CSMD3: variants seen among roughly 807,000 people sequenced by gnomAD.
The protein encoded by CSMD3 is CUB and Sushi multiple domains 3, also known as CUB and sushi domain-containing protein 3.
In CSMD3, 177 loss-of-function variants were observed where a neutral mutation model predicts 435.2. That is an observed-to-expected ratio of 0.41 (90% CI 0.36 to 0.46). CSMD3 has a LOEUF of 0.46. Ranked by LOEUF, CSMD3 falls within the 20% of genes least tolerant of loss-of-function variation. The pLI is 0.34. For missense variants in CSMD3, 4,265 were observed against 4,504.6 expected, an observed-to-expected ratio of 0.95 and a Z score of 1.52; for synonymous variants, 1,656 against 1,520.5, an observed-to-expected ratio of 1.09 and a Z score of -2.07.
intron 23 of CSMD3, among the ~76,000 whole-genome samples, chr8:112,580,376 T>C (rs866614465): frequency 1.3e-5 from 2 of 151,960 alleles, no homozygotes; most frequent in Non-Finnish European, 1.5e-5. Context: ...GAGAACAAAT[T>C]AGTTAGGTTC....
intron 6 of CSMD3, among the ~76,000 whole-genome samples, chr8:112,986,199 T>C (rs2085248776): frequency 6.6e-6 from 1 of 152,186 alleles, no homozygotes; most frequent in South Asian, 2.1e-4. Flanking sequence ...TTGTTTGCTT[T>C]TAGTATAACT....
chr8:113,356,441 T>C (rs895122781), intron 1 of CSMD3, among the ~76,000 whole-genome samples: 1 of 151,994 alleles, frequency 6.6e-6, no homozygotes, highest in South Asian at 2.1e-4. Context: ...AGTATAAATA[T>C]GAACAAAAAA....
intron 41 of CSMD3, among the ~76,000 whole-genome samples, chr8:112,343,677 A>G (rs1023365554): frequency 2.0e-5 from 3 of 151,972 alleles, no homozygotes; most frequent in Non-Finnish European, 4.4e-5. Context: ...TTTATTTTTT[A>G]AAGACAGGGT....
At chr8:112,971,747 C>A (rs1402672012) in intron 7 of CSMD3, among the ~76,000 whole-genome samples, 2 of 151,998 alleles carry the variant, frequency 1.3e-5, no homozygotes, top group Non-Finnish European at 2.9e-5. Flanking sequence ...AGATCTAAAC[C>A]AACATTGTTT....
chr8:113,094,920 A>C (rs1320087133), intron 5 of CSMD3, among the ~76,000 whole-genome samples: 8 of 151,866 alleles, frequency 5.3e-5, no homozygotes, highest in Non-Finnish European at 1.5e-5. Context: ...AAATACAAAA[A>C]ATTAGCCAGA....
intron 4 of CSMD3, among the ~76,000 whole-genome samples, chr8:113,108,266 A>C (rs2090539193): frequency 6.6e-6 from 1 of 152,030 alleles, no homozygotes; most frequent in Non-Finnish European, 1.5e-5. Context: ...CATCTCTACT[A>C]AAAATATAAA....
At chr8:112,787,031 G>A (rs2078561349) in intron 13 of CSMD3, among the ~76,000 whole-genome samples, 1 of 152,024 alleles carries the variant, frequency 6.6e-6, no homozygotes, top group African/African-American at 2.4e-5. Flanking sequence ...ATGGTTTCCA[G>A]CTTCATCCAG....
chr8:112,441,217 G>C (rs547134181), intron 32 of CSMD3, among the ~76,000 whole-genome samples: 1 of 152,016 alleles, frequency 6.6e-6, no homozygotes, highest in Non-Finnish European at 1.5e-5. Context: ...CAGTCTCTTT[G>C]ATAAAGCATA....
chr8:113,218,352 T>G (rs532851551), intron 3 of CSMD3, among the ~76,000 whole-genome samples: 1 of 151,024 alleles, frequency 6.6e-6, no homozygotes, highest in Admixed American at 6.6e-5. Flanking sequence ...CATCCTGTAC[T>G]ATTGTTGTAG....
chr8:113,146,884 A>G (rs904091022), intron 4 of CSMD3, among the ~76,000 whole-genome samples: 34 of 151,680 alleles, frequency 2.2e-4, no homozygotes, highest in Admixed American at 1.8e-3. Context: ...TTGCTAGTTG[A>G]TAAAAATAAA....
intron 12 of CSMD3, among the ~76,000 whole-genome samples, chr8:112,802,860 T>A (rs1445581295): frequency 6.6e-6 from 1 of 151,922 alleles, no homozygotes; most frequent in Non-Finnish European, 1.5e-5. Context: ...AAATTTAAAA[T>A]TTTAAATTTT....
chr8:112,463,685 T>C (rs956557001), intron 32 of CSMD3, among the ~76,000 whole-genome samples: 1 of 152,176 alleles, frequency 6.6e-6, no homozygotes, highest in African/African-American at 2.4e-5. Flanking sequence ...CTGTGTACTT[T>C]ATAATGAATC....
Position 112,263,751 on chromosome 8 carries a change from G to T in CSMD3, c.9750C>A (p.Asp3250Glu). 1 of 1,613,846 alleles carries T rather than the reference G, an allele frequency of 6.2e-7. No individual in the cohort carries two copies. The highest frequency in any genetic ancestry group is 8.5e-7 in the Non-Finnish European group (1 of 1,179,798). ...AGATGTAGCTAATACTAAAGCCCCA[G>T]TCGAAATTTGTTCCTTCCAGCCTTC... ...SNGRLEGTNFDWGFSISYICS... is the reference protein window; with the variant it reads ...SNGRLEGTNFEWGFSISYICS... The change falls in exon 61 of 71, where the codon GAC becomes GAA. Residue 3250 changes from aspartate (D) to glutamate (E), a missense_variant. Coordinates refer to ENST00000297405, the MANE Select transcript of CSMD3 (RefSeq NM_198123.2).
chr8:113,129,807 C>T (rs2091238110), intron 4 of CSMD3, among the ~76,000 whole-genome samples: 1 of 151,930 alleles, frequency 6.6e-6, no homozygotes, highest in Admixed American at 6.6e-5. Flanking sequence ...AGAGGTATCT[C>T]AGGTGATTCT....
intron 1 of CSMD3, among the ~76,000 whole-genome samples, chr8:113,320,120 A>C (rs1488480066): frequency 2.6e-5 from 4 of 152,086 alleles, no homozygotes; most frequent in Admixed American, 1.3e-4. Context: ...ACACTTTGCT[A>C]TGAGAACACA....
At chr8:112,695,606 A>C (rs1006277464) in intron 13 of CSMD3, among the ~76,000 whole-genome samples, 33 of 152,292 alleles carry the variant, frequency 2.2e-4, no homozygotes, top group African/African-American at 7.5e-4. Context: ...CTATCTATGA[A>C]AAACCCACAG....
intron 54 of CSMD3, among the ~76,000 whole-genome samples, chr8:112,294,536 G>T (rs945417579): frequency 6.6e-6 from 1 of 151,952 alleles, no homozygotes; most frequent in African/African-American, 2.4e-5. Context: ...AAATACTTAC[G>T]GGGATTCTGA....
At chr8:112,382,845 G>T (rs1156650696) in intron 37 of CSMD3, among the ~76,000 whole-genome samples, 2 of 152,034 alleles carry the variant, frequency 1.3e-5, no homozygotes, top group Non-Finnish European at 2.9e-5. Flanking sequence ...ACAAAACTTA[G>T]CTGGGCGTAG....
rs545693186 is a variant in CSMD3, at chr8:112,588,737, G to T, written c.3716-1502C>A. 1.1e-4 allele frequency among the ~76,000 whole-genome samples: 16 copies of T among 152,164 alleles called. No individual in the cohort carries two copies. In the South Asian group the frequency reaches 3.1e-3, roughly 30 times the overall value. On this transcript the variant is annotated intron_variant, in intron 22 of 70. Coordinates refer to ENST00000297405, the MANE Select transcript of CSMD3 (RefSeq NM_198123.2). ...AGCTGCTCCAGTGTAGGCTTTTGAAGTTTGTTATACCTTTAATTACTCTAT... is the reference window on the plus strand; with the variant it reads ...AGCTGCTCCAGTGTAGGCTTTTGAATTTTGTTATACCTTTAATTACTCTAT...
Sources: gnomAD v4.1 joint callset for allele counts (sites outside exome capture counted in the v4.1 genomes callset) on GRCh38, gnomAD v4.1.1 for gene constraint, MANE v1.5 for transcripts, NCBI Gene and HGNC (gene_info 2026-07-23, HGNC 2026-07-21) for gene names.